LRG1: variants seen among roughly 807,000 people sequenced by gnomAD.
LRG1 encodes the protein leucine rich alpha-2-glycoprotein 1, also known as leucine-rich alpha-2-glycoprotein.
In LRG1, 1 loss-of-function variant was observed where a neutral mutation model predicts 2.4. That is an observed-to-expected ratio of 0.41 (90% CI 0.15 to 1.95). The LOEUF is 1.95. Ranked by LOEUF, LRG1 falls within the 30% of genes most tolerant of loss-of-function variation. The pLI, the probability that LRG1 is intolerant of heterozygous loss-of-function variation, is 0.30. For synonymous variants in LRG1, 226 were observed against 210.6 expected (o/e 1.07, Z -0.63); for missense variants, 425 against 436.9 (o/e 0.97, Z 0.24).
Position 4,538,144 on chromosome 19 carries a change from C to T in LRG1, c.840G>A (p.Trp280Ter). ...NSLASVPEGL[W>*]ASLGQPNWDM... ...CCCAGTTTGGCTGCCCTAGGGATGC[C>T]CAGAGCCCCTCGGGCACGCTGGCCA... The change falls in exon 2 of 2, where the codon TGG (tryptophan) becomes TGA (stop). Residue 280 changes from tryptophan to a stop codon, truncating the protein, a stop_gained. Coordinates refer to ENST00000306390, the MANE Select transcript of LRG1 (RefSeq NM_052972.3). LOFTEE classifies it low-confidence loss of function (END_TRUNC). The T allele has an allele frequency of 6.2e-7, 1 of 1,614,072 alleles. No homozygotes were observed. The highest frequency in any genetic ancestry group is 8.5e-7 in the Non-Finnish European group (1 of 1,180,030).
At chr19:4,539,374 C>G (rs1026986723) in intron 1 of LRG1, among the ~76,000 whole-genome samples, 2 of 152,250 alleles carry the variant, frequency 1.3e-5, no homozygotes, top group Admixed American at 6.5e-5. Flanking sequence ...ATTCATCCTT[C>G]AAAGCCCCAG....
In LRG1 at chr19:4,536,523, C is replaced by G. The variant is rs919177444; in HGVS notation, c.*1417G>C. The stretch of plus-strand genomic sequence containing the variant: ...TCCCAGGTTCAAGTGATTCTCCTGC[C>G]TGACCCTCCCAAGTAGCTGGTATTA... On this transcript the variant is annotated 3_prime_UTR_variant, in exon 2 of 2. Coordinates refer to ENST00000306390, the MANE Select transcript of LRG1 (RefSeq NM_052972.3). The G allele has an allele frequency of 3.3e-5, 5 of 152,348 alleles. No homozygotes were observed. Among genetic ancestry groups the G allele is most frequent in the African/African-American group, 1.2e-4 (5 of 41,446 alleles). The allele number at this position is 152,348 out of a possible 1,614,324, so 9.4% of individuals were successfully genotyped here. A position where few individuals can be genotyped will look rare whatever the true frequency, so the allele number is the denominator to read the frequency against.
chr19:4,538,269 G>A lies in LRG1; in HGVS notation c.715C>T (p.Arg239Cys), dbSNP rs762107845. 11 of 1,614,024 alleles carry A rather than the reference G, an allele frequency of 6.8e-6. No individual in the cohort carries two copies. The highest frequency in any genetic ancestry group is 1.1e-5 in the South Asian group (1 of 91,088). The change falls in exon 2 of 2, where the codon CGC becomes TGC. Residue 239 changes from arginine (R) to cysteine (C), a missense_variant. Coordinates refer to ENST00000306390, the MANE Select transcript of LRG1 (RefSeq NM_052972.3). Reference protein sequence around the residue: ...KDLLLPQPDLRYLFLNGNKLA... With the variant: ...KDLLLPQPDLCYLFLNGNKLA... ...TTGTTGCCGTTCAGGAAGAGGTAGC[G>A]CAGGTCCGGCTGCGGCAAGAGGAGA... is the stretch of plus-strand genomic sequence containing the variant.
At position 4,536,925 on chromosome 19, in the gene LRG1, C is replaced by G. The variant is rs1222807923; in HGVS notation, c.*1015G>C. 2.0e-5 allele frequency: 3 copies of G among 152,360 alleles called. No homozygotes were observed. Among genetic ancestry groups the G allele is most frequent in the South Asian group, 2.1e-4 (1 of 4,834 alleles). The allele number at this position is 152,360 out of a possible 1,614,324, so 9.4% of individuals were successfully genotyped here. On this transcript the variant is annotated 3_prime_UTR_variant, in exon 2 of 2. Transcript: ENST00000306390. ...GTCAGCATGACAAATCGTTTGGAGA[C>G]CTGGGCAATCTGGTTTAACTTAAAC...
chr19:4,539,158 GC>G (rs1467724585), intron 1 of LRG1: 1 of 417,178 alleles, frequency 2.4e-6, no homozygotes, highest in East Asian at 3.6e-5. Context: ...GCCAGAAGTG[GC>G]CCCTGTTCCA....
rs1322709434 is a variant in LRG1, at chr19:4,538,477, C to T, written c.507G>A (p.Leu169=). The part of the protein sequence containing the change: ...WLHGLKALGH[L]DLSGNRLRKL... ...TCCGGAGGCGGTTCCCAGACAGGTC[C>T]AGATGCCCCAGAGCTTTCAGGCCGT... The change falls in exon 2 of 2, where the codon CTG becomes CTA. Residue 169 remains leucine, a synonymous_variant. Coordinates refer to ENST00000306390, the MANE Select transcript of LRG1 (RefSeq NM_052972.3). 1 of 1,614,084 alleles carries T rather than the reference C, an allele frequency of 6.2e-7. No homozygotes were observed. Among genetic ancestry groups the T allele is most frequent in the East Asian group, 2.2e-5 (1 of 44,878 alleles).
rs773798949 is a variant in LRG1, at chr19:4,538,137, G to A, written c.847C>T (p.Leu283=). ...CGCATGTCCCAGTTTGGCTGCCCTAGGGATGCCCAGAGCCCCTCGGGCACG... is the reference window on the plus strand; with the variant it reads ...CGCATGTCCCAGTTTGGCTGCCCTAAGGATGCCCAGAGCCCCTCGGGCACG... ...ASVPEGLWAS[L]GQPNWDMRDG... The change falls in exon 2 of 2, where the codon CTA becomes TTA. Residue 283 remains leucine, a synonymous_variant. Coordinates refer to ENST00000306390, the MANE Select transcript of LRG1 (RefSeq NM_052972.3). 1.2e-6 allele frequency: 2 copies of A among 1,614,048 alleles called. No homozygotes were observed. Among genetic ancestry groups the A allele is most frequent in the Admixed American group, 1.7e-5 (1 of 60,026 alleles).
Position 4,538,716 on chromosome 19 carries a change from C to G in LRG1, c.268G>C (p.Gly90Arg), listed in dbSNP as rs1976978555. Residue 90 changes from glycine to arginine, a missense_variant, in exon 2 of 2, where the codon GGC (glycine) becomes CGC (arginine). By Grantham distance (125) the Gly-to-Arg change is moderately radical. Transcript: ENST00000306390. The stretch of plus-strand genomic sequence containing the variant: ...TGCAATTCTTGGAGCTTAGAGGCGC[C>G]CTGGAGGAGGTTGGCTGGCAGGTGG... ...LTHLPANLLQGASKLQELHLS... is the reference protein window; with the variant it reads ...LTHLPANLLQRASKLQELHLS... 5.0e-6 allele frequency: 8 copies of G among 1,605,022 alleles called. No individual in the cohort carries two copies. The highest frequency in any genetic ancestry group is 1.7e-5 in the Admixed American group (1 of 59,852).
chr19:4,536,501 C>G lies in LRG1; in HGVS notation c.*1439G>C, dbSNP rs1415578178. On this transcript the variant is annotated 3_prime_UTR_variant, in exon 2 of 2. Transcript: ENST00000306390. ...TTGGCTCACTGCAACCTCCGCCTCC[C>G]AGGTTCAAGTGATTCTCCTGCCTGA... The G allele has an allele frequency of 6.6e-6, 1 of 151,984 alleles. No homozygotes were observed. The highest frequency in any genetic ancestry group is 1.5e-5 in the Non-Finnish European group (1 of 68,056). 9.4% of individuals were successfully genotyped at this position (151,984 alleles called of 1,614,324 possible).
At position 4,538,826 on chromosome 19, in the gene LRG1, G is replaced by T. The variant is rs1485558668; in HGVS notation, c.158C>A (p.Ser53Tyr). 6.2e-7 allele frequency: 1 copy of T among 1,600,060 alleles called. No homozygotes were observed. Among genetic ancestry groups the T allele is most frequent in the Non-Finnish European group, 8.5e-7 (1 of 1,170,068 alleles). The change falls in exon 2 of 2, where the codon TCC (serine) becomes TAC (tyrosine). Residue 53 changes from serine to tyrosine, a missense_variant. Coordinates refer to ENST00000306390, the MANE Select transcript of LRG1 (RefSeq NM_052972.3). ...CQVFRSDHGS[S>Y]ISCQPPAEIP... ...TTCGGCAGGTGGTTGACAGGAGATG[G>T]AGCTGCCATGGTCTGAGCGGAACAC...
chr19:4,538,207 C>G lies in LRG1; in HGVS notation c.777G>C (p.Leu259=). 6.2e-7 allele frequency: 1 copy of G among 1,614,084 alleles called. No individual in the cohort carries two copies. Among genetic ancestry groups the G allele is most frequent in the Non-Finnish European group, 8.5e-7 (1 of 1,180,038 alleles). The change falls in exon 2 of 2, where the codon CTG becomes CTC. Residue 259 remains leucine (L), a synonymous_variant. Coordinates refer to ENST00000306390, the MANE Select transcript of LRG1 (RefSeq NM_052972.3). ...AGAGGTCCAGCATGTCCAGCTGCCG[C>G]AGGCCCTGGAAGGCACCGGCTGCCA... The part of the protein sequence containing the change: ...ARVAAGAFQG[L]RQLDMLDLSN...
At position 4,538,192 on chromosome 19, in the gene LRG1, C is replaced by T. The variant is rs763725899; in HGVS notation, c.792G>A (p.Met264Ile). The T allele has an allele frequency of 1.1e-5, 18 of 1,614,028 alleles. 1 individual carries two copies. In the South Asian group the frequency reaches 1.4e-4, roughly 13 times the overall value. ...CCAGTGAGTTATTGGAGAGGTCCAG[C>T]ATGTCCAGCTGCCGCAGGCCCTGGA... ...GAFQGLRQLD[M>I]LDLSNNSLAS... The change falls in exon 2 of 2, where the codon ATG becomes ATA. Residue 264 changes from methionine to isoleucine, a missense_variant. By Grantham distance (10) the Met-to-Ile change is conservative. Coordinates refer to ENST00000306390, the MANE Select transcript of LRG1 (RefSeq NM_052972.3).
chr19:4,539,934 A>C, intron 1 of LRG1, 48 bp downstream of exon 1: 3 of 1,611,378 alleles, frequency 1.9e-6, no homozygotes, highest in Non-Finnish European at 8.5e-7. Context: ...GTATCTCCGC[A>C]TGGTCTGGCG....
intron 1 of LRG1, among the ~76,000 whole-genome samples, 172 bp downstream of exon 1, chr19:4,539,810 G>A (rs555977615): frequency 2.4e-4 from 37 of 151,764 alleles, no homozygotes; most frequent in African/African-American, 8.9e-4. Flanking sequence ...CTTCTGTAGG[G>A]GTGTGTGTGT....
chr19:4,537,802 C>T lies in LRG1; in HGVS notation c.*138G>A, dbSNP rs1051879234. On this transcript the variant is annotated 3_prime_UTR_variant, in exon 2 of 2. Transcript: ENST00000306390. ...CAAGATGGTCTCGATCTCCTGACCT[C>T]GTGATCCGCCCACCTGGGCCTCCCA... 16 of 895,786 alleles carry T rather than the reference C, an allele frequency of 1.8e-5. No individual in the cohort carries two copies. Among genetic ancestry groups the T allele is most frequent in the Admixed American group, 2.9e-5 (1 of 34,490 alleles). 55.5% of individuals were successfully genotyped at this position (895,786 alleles called of 1,614,324 possible).
At position 4,538,167 on chromosome 19, in the gene LRG1, C is replaced by T; in HGVS notation, c.817G>A (p.Ala273Thr). The stretch of plus-strand genomic sequence containing the variant: ...GCCCAGAGCCCCTCGGGCACGCTGG[C>T]CAGTGAGTTATTGGAGAGGTCCAGC... ...DMLDLSNNSLASVPEGLWASL... is the reference protein window; with the variant it reads ...DMLDLSNNSLTSVPEGLWASL... Residue 273 changes from alanine (A) to threonine (T), a missense_variant, in exon 2 of 2, where the codon GCC (alanine) becomes ACC (threonine). By Grantham distance (58) the Ala-to-Thr change is moderately conservative. Transcript: ENST00000306390. 8 of 1,614,018 alleles carry T rather than the reference C, an allele frequency of 5.0e-6. No individual in the cohort carries two copies. Among genetic ancestry groups the T allele is most frequent in the Non-Finnish European group, 6.8e-6 (8 of 1,180,032 alleles).
At chr19:4,539,063 T>C in intron 1 of LRG1, 112 bp from the exon 2 acceptor site, 1 of 1,068,026 alleles carries the variant, frequency 9.4e-7, no homozygotes, top group Non-Finnish European at 1.3e-6. Context: ...GCTACCAGCC[T>C]GGACTATGCT....
chr19:4,538,739 T>C lies in LRG1; in HGVS notation c.245A>G (p.His82Arg). 1 of 1,604,020 alleles carries C rather than the reference T, an allele frequency of 6.2e-7. No homozygotes were observed. The highest frequency in any genetic ancestry group is 1.3e-5 in the African/African-American group (1 of 74,792). The stretch of plus-strand genomic sequence containing the variant: ...GCCCTGGAGGAGGTTGGCTGGCAGG[T>C]GGGTCAGGTTGAAGAATTCCACGGC... ...HLAVEFFNLT[H>R]LPANLLQGAS... Residue 82 changes from histidine to arginine, a missense_variant, in exon 2 of 2, where the codon CAC (histidine) becomes CGC (arginine). His to Arg is a conservative substitution (Grantham distance 29). Transcript: ENST00000306390.
Position 4,540,034 on chromosome 19 carries a change from T to C in LRG1, c.-21A>G, listed in dbSNP as rs1393901774. The C allele has an allele frequency of 6.2e-7, 1 of 1,614,040 alleles. No individual in the cohort carries two copies. Among genetic ancestry groups the C allele is most frequent in the Admixed American group, 1.7e-5 (1 of 60,020 alleles). Reference sequence around the variant, plus strand: ...GACATGGTAGCTCTGCTCTTTTGCTTCTGGGTTGTCCTGGCCTGCGGAGGT... The same window carrying C: ...GACATGGTAGCTCTGCTCTTTTGCTCCTGGGTTGTCCTGGCCTGCGGAGGT... On this transcript the variant is annotated 5_prime_UTR_variant, in exon 1 of 2. Transcript: ENST00000306390.
Sources: gnomAD v4.1 joint callset for allele counts (sites outside exome capture counted in the v4.1 genomes callset) on GRCh38, gnomAD v4.1.1 for gene constraint, MANE v1.5 for transcripts, NCBI Gene and HGNC (gene_info 2026-07-23, HGNC 2026-07-21) for gene names.